Variants in SLIT3 observed in about 807,000 individuals in gnomAD.
SLIT3 encodes slit guidance ligand 3, also known as slit homolog 3 protein.
A neutral mutation model predicts 184.0 loss-of-function variants in SLIT3; 68 were observed. That is an observed-to-expected ratio of 0.37 (90% CI 0.30 to 0.45). The LOEUF (loss-of-function observed/expected upper bound fraction) is 0.45. SLIT3 is among the 20% of genes least tolerant of loss of function. The probability of loss-of-function intolerance (pLI) is 1.00; values close to 1 mark genes in which losing one functional copy is unlikely to be tolerated. For synonymous variants in SLIT3, 831 were observed against 828.6 expected (o/e 1.00, Z -0.05); for missense variants, 1,707 against 2,026.0 (o/e 0.84, Z 3.02).
intron 4 of SLIT3, among the ~76,000 whole-genome samples, chr5:169,040,567 G>A (rs1032910912): frequency 9.9e-5 from 15 of 152,150 alleles, no homozygotes; most frequent in Admixed American, 1.3e-4. Context: ...GGAGACAGAC[G>A]GATGAATATT....
At chr5:168,754,078 T>G (rs1754810525) in intron 16 of SLIT3, 71 bp from the exon 17 acceptor site, 1 of 1,482,502 alleles carries the variant, frequency 6.7e-7, no homozygotes, top group Non-Finnish European at 9.0e-7. Flanking sequence ...GGGGATGACT[T>G]GCCCTGCAGC....
At chr5:168,936,070 G>C (rs1044959477) in intron 4 of SLIT3, among the ~76,000 whole-genome samples, 14 of 152,188 alleles carry the variant, frequency 9.2e-5, no homozygotes, top group Non-Finnish European at 1.9e-4. Flanking sequence ...CTAGCCTAGG[G>C]AGAACCACGT....
At chr5:169,292,242 T>C (rs1038904382) in intron 1 of SLIT3, among the ~76,000 whole-genome samples, 10 of 152,228 alleles carry the variant, frequency 6.6e-5, no homozygotes, top group Non-Finnish European at 1.3e-4. Flanking sequence ...CTGAACTTTT[T>C]ACCAGGAGAG....
At chr5:168,791,961 T>G (rs908816312) in intron 10 of SLIT3, 4 of 152,202 alleles carry the variant, frequency 2.6e-5, no homozygotes, top group African/African-American at 9.7e-5. Context: ...GAGTTTGGCT[T>G]TGTTTAGATT....
intron 4 of SLIT3, among the ~76,000 whole-genome samples, chr5:169,160,623 G>T (rs979755233): frequency 1.3e-5 from 2 of 152,110 alleles, no homozygotes; most frequent in African/African-American, 4.8e-5. Context: ...CATTTATAAA[G>T]GCCTCATGGT....
chr5:168,870,489 G>A (rs1173784521), intron 5 of SLIT3, among the ~76,000 whole-genome samples: 3 of 152,188 alleles, frequency 2.0e-5, no homozygotes, highest in African/African-American at 7.2e-5. Context: ...CAACCTTGGA[G>A]TTGAGCTTCC....
chr5:168,734,096 G>A (rs915995486), intron 20 of SLIT3, among the ~76,000 whole-genome samples: 2 of 152,190 alleles, frequency 1.3e-5, no homozygotes, highest in Admixed American at 6.5e-5. Flanking sequence ...GTATTTGGGT[G>A]ATGGGTACAC....
chr5:168,752,200 C>T (rs997751097), intron 18 of SLIT3, among the ~76,000 whole-genome samples: 4 of 152,152 alleles, frequency 2.6e-5, no homozygotes, highest in South Asian at 2.1e-4. Flanking sequence ...ATGTCATGCC[C>T]TCCCTCATTC....
intron 4 of SLIT3, among the ~76,000 whole-genome samples, chr5:168,937,316 G>C (rs10075350): frequency 0.02 from 2,990 of 152,222 alleles, 109 homozygotes; most frequent in African/African-American, 0.068. Flanking sequence ...AAAGTGTTGT[G>C]AGCAGGAGAG....
At chr5:168,747,142 C>A (rs1754497548) in intron 20 of SLIT3, among the ~76,000 whole-genome samples, 1 of 152,104 alleles carries the variant, frequency 6.6e-6, no homozygotes, top group African/African-American at 2.4e-5. Flanking sequence ...ACTGCCTCCT[C>A]CCTCCTAGTG....
intron 3 of SLIT3, among the ~76,000 whole-genome samples, chr5:169,223,404 T>C (rs1334530138): frequency 6.6e-6 from 1 of 152,186 alleles, no homozygotes. Context: ...GGAACCTCTG[T>C]TAGAAAGTGA....
At chr5:169,229,314 G>A (rs1001154667) in intron 3 of SLIT3, among the ~76,000 whole-genome samples, 6 of 152,126 alleles carry the variant, frequency 3.9e-5, no homozygotes, top group Non-Finnish European at 5.9e-5. Context: ...GGGAAAGAGC[G>A]AGGCCCAACT....
At chr5:168,884,147 C>T (rs1760074508) in intron 4 of SLIT3, among the ~76,000 whole-genome samples, 1 of 150,986 alleles carries the variant, frequency 6.6e-6, no homozygotes, top group African/African-American at 2.4e-5. Flanking sequence ...TTTTGCTAGA[C>T]CAAACATGTG....
At chr5:168,864,608 T>A (rs1391286207) in intron 5 of SLIT3, among the ~76,000 whole-genome samples, 2 of 152,192 alleles carry the variant, frequency 1.3e-5, no homozygotes, top group Non-Finnish European at 2.9e-5. Flanking sequence ...CCACCGTCAG[T>A]GTGAAAGATG....
intron 20 of SLIT3, among the ~76,000 whole-genome samples, chr5:168,728,163 T>C (rs1408783814): frequency 6.6e-6 from 1 of 151,850 alleles, no homozygotes; most frequent in Non-Finnish European, 1.5e-5. Flanking sequence ...GTACCCTAAG[T>C]CACTGAGGAT....
intron 6 of SLIT3, among the ~76,000 whole-genome samples, chr5:168,835,795 AG>A (rs1758032548): frequency 6.7e-6 from 1 of 148,300 alleles, no homozygotes; most frequent in South Asian, 2.1e-4. Flanking sequence ...TGGGTGACAG[AG>A]CAAGACTCCA....
At chr5:169,057,990 G>C (rs1758061670) in intron 4 of SLIT3, among the ~76,000 whole-genome samples, 2 of 152,184 alleles carry the variant, frequency 1.3e-5, no homozygotes, top group Non-Finnish European at 2.9e-5. Flanking sequence ...AATACCCAGG[G>C]ACCCTGGTTG....
At chr5:168,811,029 T>C in intron 8 of SLIT3, among the ~76,000 whole-genome samples, 1 of 152,170 alleles carries the variant, frequency 6.6e-6, no homozygotes, top group South Asian at 2.1e-4. Flanking sequence ...GTTCTTCTCC[T>C]AAATGGTAAA....
At chr5:168,726,203 G>A (rs1278007010) in intron 20 of SLIT3, among the ~76,000 whole-genome samples, 1 of 151,624 alleles carries the variant, frequency 6.6e-6, no homozygotes, top group Non-Finnish European at 1.5e-5. Context: ...AAAGCCAAGA[G>A]AAATGCATTC....
Sources: gnomAD v4.1 joint callset for allele counts (sites outside exome capture counted in the v4.1 genomes callset) on GRCh38, gnomAD v4.1.1 for gene constraint, MANE v1.5 for transcripts, NCBI Gene and HGNC (gene_info 2026-07-23, HGNC 2026-07-21) for gene names.